LGSN: variants seen among roughly 807,000 people sequenced by gnomAD.
The protein encoded by LGSN is lengsin, lens protein with glutamine synthetase domain.
A neutral mutation model predicts 19.5 loss-of-function variants in LGSN; 21 were observed. The ratio of observed to expected loss-of-function variants is 1.07; its 90% CI spans 0.76 to 1.55. The LOEUF is 1.55. Among genes scored for constraint, LGSN ranks in the 40% most tolerant of loss-of-function variants. The probability of loss-of-function intolerance (pLI) is 0.00; values close to 1 mark genes in which losing one functional copy is unlikely to be tolerated. For synonymous variants in LGSN, 257 were observed against 215.6 expected (o/e 1.19, Z -1.68); for missense variants, 673 against 608.5 (o/e 1.11, Z -1.12).
the LGSN span, among the ~76,000 whole-genome samples, chr6:63,371,644 T>C: frequency 6.6e-6 from 1 of 152,244 alleles, no homozygotes; most frequent in South Asian, 2.1e-4. Flanking sequence ...ACTTTTTTTC[T>C]ACATTTACCT....
chr6:63,495,469 T>TTTTTTTTTTTTTTTTG, the LGSN span, among the ~76,000 whole-genome samples: 255 of 119,276 alleles, frequency 2.1e-3, no homozygotes, highest in African/African-American at 6.1e-3. Context: ...TTTTTTTTTT[T>TTTTTTTTTTTTTTTTG]TTTTTTTGAG....
chr6:63,288,230 A>AAAT (rs1767619264), intron 2 of LGSN, among the ~76,000 whole-genome samples: 31 of 138,514 alleles, frequency 2.2e-4, no homozygotes, highest in African/African-American at 6.2e-4. Context: ...CCATCTCAAA[A>AAAT]AAATAAATAA....
the LGSN span, among the ~76,000 whole-genome samples, chr6:63,543,223 A>T: frequency 6.6e-6 from 1 of 152,192 alleles, no homozygotes. Flanking sequence ...TAAAACTGAA[A>T]GTTCCTTATC....
chr6:63,412,481 GAGAA>G, the LGSN span, among the ~76,000 whole-genome samples: 18 of 91,480 alleles, frequency 2.0e-4, no homozygotes, highest in South Asian at 1.3e-3. Context: ...AGAGAAGAAA[GAGAA>G]GAAAGAAAGA....
rs184747771 is a variant in LGSN at position 63,304,046 on chromosome 6, G to A, written c.31-9001C>T. 4.4e-3 allele frequency among the ~76,000 whole-genome samples: 675 copies of A among 152,320 alleles called. 5 individuals are homozygous for A. Among genetic ancestry groups the A allele is most frequent in the South Asian group, 5.8e-3 (28 of 4,828 alleles). ...TTGGAACAACACAGTGGGAAAAGGG[G>A]CCTATGTGTGTGAAGTATATTTTTA... is the stretch of plus-strand genomic sequence containing the variant. On this transcript the variant is annotated intron_variant, in intron 1 of 3. Coordinates refer to ENST00000370657, the MANE Select transcript of LGSN (RefSeq NM_016571.3).
the LGSN span, among the ~76,000 whole-genome samples, chr6:63,381,112 G>T: frequency 6.6e-6 from 1 of 152,184 alleles, no homozygotes; most frequent in Non-Finnish European, 1.5e-5. Context: ...TGAGGTGGGA[G>T]AATCACCTAA....
the LGSN span, among the ~76,000 whole-genome samples, chr6:63,497,268 G>C: frequency 6.6e-5 from 10 of 152,110 alleles, no homozygotes; most frequent in African/African-American, 2.4e-4. Context: ...AAATATTAGG[G>C]CTGAGTGCAG....
chr6:63,409,452 A>G, the LGSN span, among the ~76,000 whole-genome samples: 1 of 152,206 alleles, frequency 6.6e-6, no homozygotes, highest in Non-Finnish European at 1.5e-5. Flanking sequence ...TATTCACTTT[A>G]CACAATTGTT....
At chr6:63,511,878 C>T in the LGSN span, among the ~76,000 whole-genome samples, 1 of 151,878 alleles carries the variant, frequency 6.6e-6, no homozygotes, top group Non-Finnish European at 1.5e-5. Flanking sequence ...AGTTTAAATC[C>T]ACATACTATT....
the LGSN span, among the ~76,000 whole-genome samples, chr6:63,500,829 G>GTGAT: frequency 6.6e-6 from 1 of 152,120 alleles, no homozygotes; most frequent in Non-Finnish European, 1.5e-5. Context: ...CTGGGCTCAA[G>GTGAT]TGATTCTCCT....
the LGSN span, among the ~76,000 whole-genome samples, chr6:63,426,624 C>T: frequency 6.6e-6 from 1 of 152,160 alleles, no homozygotes; most frequent in Non-Finnish European, 1.5e-5. Flanking sequence ...AAGTAATTCT[C>T]ATGTCTCAGC....
the LGSN span, among the ~76,000 whole-genome samples, chr6:63,435,595 C>T: frequency 6.7e-6 from 1 of 148,820 alleles, no homozygotes; most frequent in African/African-American, 2.5e-5. Context: ...CGTGTGACTT[C>T]TCTGCTTAAA....
At chr6:63,332,007 G>T in the LGSN span, among the ~76,000 whole-genome samples, 2 of 152,152 alleles carry the variant, frequency 1.3e-5, no homozygotes, top group Non-Finnish European at 2.9e-5. Context: ...GATCTTCAGG[G>T]TTGGAAGAGT....
the LGSN span, among the ~76,000 whole-genome samples, chr6:63,404,195 A>C: frequency 1.3e-5 from 2 of 152,270 alleles, no homozygotes; most frequent in Admixed American, 1.3e-4. Context: ...GAGATAATAA[A>C]TGTGTTTTAA....
intron 1 of LGSN, among the ~76,000 whole-genome samples, chr6:63,315,845 A>G (rs1768828206): frequency 6.6e-6 from 1 of 151,750 alleles, no homozygotes; most frequent in African/African-American, 2.4e-5. Flanking sequence ...ATGTGACAAA[A>G]TACAGAAAAC....
the LGSN span, among the ~76,000 whole-genome samples, chr6:63,423,472 C>T: frequency 6.9e-6 from 1 of 145,386 alleles, no homozygotes; most frequent in African/African-American, 2.6e-5. Context: ...TCTGTCTCTA[C>T]CAAAAAAAAA....
the LGSN span, among the ~76,000 whole-genome samples, chr6:63,353,141 T>G: frequency 6.6e-6 from 1 of 152,128 alleles, no homozygotes; most frequent in African/African-American, 2.4e-5. Context: ...TGAGATTGGT[T>G]ATTGAATGTT....
chr6:63,454,945 A>C, the LGSN span, among the ~76,000 whole-genome samples: 1 of 151,584 alleles, frequency 6.6e-6, no homozygotes, highest in African/African-American at 2.4e-5. Context: ...GGCACCTGCC[A>C]CCACGCCCGG....
At chr6:63,485,121 A>G in the LGSN span, among the ~76,000 whole-genome samples, 1 of 151,474 alleles carries the variant, frequency 6.6e-6, no homozygotes, top group Non-Finnish European at 1.5e-5. Context: ...TGTACAGATT[A>G]TTTCATCACC....
Sources: allele counts gnomAD v4.1 joint callset (sites outside exome capture counted in the v4.1 genomes callset), GRCh38; gene constraint gnomAD v4.1.1; transcripts MANE v1.5; gene names NCBI Gene and HGNC (gene_info 2026-07-23, HGNC 2026-07-21).